TGFBR3: variants seen among roughly 807,000 people sequenced by gnomAD.
TGFBR3 encodes transforming growth factor beta receptor 3.
Under a neutral mutation model 87.9 loss-of-function variants are expected in TGFBR3, and 46 were observed. The observed-to-expected ratio is 0.52, with a 90% CI of 0.41 to 0.67. The LOEUF (loss-of-function observed/expected upper bound fraction) is 0.67. Among genes scored for constraint, TGFBR3 ranks in the 30% least tolerant of loss-of-function variants. The pLI is 0.00. For missense variants in TGFBR3, 866 were observed against 1,041.9 expected (o/e 0.83, Z 2.32); for synonymous variants, 381 against 391.6 (o/e 0.97, Z 0.32).
Position 91,716,595 on chromosome 1 carries a change from G to A in TGFBR3, c.1680C>T (p.Ser560=), listed in dbSNP as rs758389011. The change falls in exon 11 of 17, where the codon TCC becomes TCT. Residue 560 remains serine (S), a synonymous_variant. Transcript: ENST00000212355. The stretch of plus-strand genomic sequence containing the variant: ...CCACGATTTCAGGTCGGGTGAACAG[G>A]GAAGCATCTCCTTCATCCATATCTC... The part of the protein sequence containing the change: ...FPGDMDEGDA[S]LFTRPEIVVF... The A allele has an allele frequency of 1.2e-6, 2 of 1,614,082 alleles. No homozygotes were observed. Among genetic ancestry groups the A allele is most frequent in the South Asian group, 2.2e-5 (2 of 91,078 alleles).
chr1:91,796,194 G>A (rs1026075817), intron 3 of TGFBR3, among the ~76,000 whole-genome samples: 3 of 152,166 alleles, frequency 2.0e-5, no homozygotes, highest in Non-Finnish European at 4.4e-5. Context: ...AATACTCTGT[G>A]TTATCTTGTT....
At chr1:91,901,170 C>T (rs1025636239) in intron 1 of TGFBR3, among the ~76,000 whole-genome samples, 3 of 152,180 alleles carry the variant, frequency 2.0e-5, no homozygotes, top group Admixed American at 6.5e-5. Flanking sequence ...TTGTTATTTT[C>T]TGTGGGTTTT....
At chr1:91,870,959 C>T (rs932810701) in intron 1 of TGFBR3, among the ~76,000 whole-genome samples, 1 of 151,914 alleles carries the variant, frequency 6.6e-6, no homozygotes, top group African/African-American at 2.4e-5. Flanking sequence ...TCACTTGAGC[C>T]CAGAAGTTCA....
intron 4 of TGFBR3, among the ~76,000 whole-genome samples, chr1:91,748,972 T>G (rs1384189310): frequency 6.6e-6 from 1 of 152,056 alleles, no homozygotes; most frequent in Non-Finnish European, 1.5e-5. Flanking sequence ...TAGAAGTGCT[T>G]GTTAAACATA....
intron 8 of TGFBR3, among the ~76,000 whole-genome samples, chr1:91,721,249 C>G (rs1236663831): frequency 6.6e-6 from 1 of 152,178 alleles, no homozygotes; most frequent in Non-Finnish European, 1.5e-5. Context: ...AAAACCTTCA[C>G]AACAACCCTG....
chr1:91,725,885 A>T (rs1314834730), intron 7 of TGFBR3, among the ~76,000 whole-genome samples: 1 of 152,218 alleles, frequency 6.6e-6, no homozygotes. Context: ...CTAAATAGTA[A>T]TTTAAACTTT....
chr1:91,751,434 GCACTGAGCA>G (rs1673537958), intron 4 of TGFBR3, among the ~76,000 whole-genome samples: 1 of 152,138 alleles, frequency 6.6e-6, no homozygotes, highest in East Asian at 1.9e-4. Context: ...TCCTAGTGCT[GCACTGAGCA>G]CACATCTGGG....
chr1:91,680,722 A>G lies in TGFBR3; in HGVS notation c.*3017T>C, dbSNP rs113820201. 354 of 454,014 alleles carry G rather than the reference A, an allele frequency of 7.8e-4. No homozygotes were observed. The highest frequency in any genetic ancestry group is 1.4e-3 in the Non-Finnish European group (314 of 226,790). 28.1% of individuals were successfully genotyped at this position (454,014 alleles called of 1,614,324 possible). A position where few individuals can be genotyped will look rare whatever the true frequency, so the allele number is the denominator to read the frequency against. ...CTCTGTTAACACAACCAGCAGTACA[A>G]TCATCATTCAAACCATGAGGTAGTT... On this transcript the variant is annotated 3_prime_UTR_variant, in exon 17 of 17. Coordinates refer to ENST00000212355, the MANE Select transcript of TGFBR3 (RefSeq NM_003243.5).
chr1:91,755,456 G>A (rs908217140), intron 4 of TGFBR3, among the ~76,000 whole-genome samples: 10 of 152,132 alleles, frequency 6.6e-5, no homozygotes, highest in African/African-American at 1.9e-4. Flanking sequence ...GAAAAAAACC[G>A]TTTTCCCTAA....
In TGFBR3 at chr1:91,797,278, T is replaced by C. The variant is rs542898752; in HGVS notation, c.246+9A>G. 2 of 1,613,854 alleles carry C rather than the reference T, an allele frequency of 1.2e-6. No homozygotes were observed. The highest frequency in any genetic ancestry group is 1.1e-5 in the South Asian group (1 of 91,024). On this transcript the variant is annotated intron_variant, in intron 3 of 16. Transcript: ENST00000212355. Reference sequence around the variant, plus strand: ...TGGCAGTGGGCTGAGAGCTGACACCTGCACCTACCTCTCTCTGTAGCTGGC... The same window carrying C: ...TGGCAGTGGGCTGAGAGCTGACACCCGCACCTACCTCTCTCTGTAGCTGGC...
intron 7 of TGFBR3, among the ~76,000 whole-genome samples, chr1:91,725,891 A>T (rs939940266): frequency 3.9e-5 from 6 of 152,206 alleles, no homozygotes; most frequent in African/African-American, 1.4e-4. Flanking sequence ...AGTAATTTAA[A>T]CTTTTGTGGG....
At chr1:91,780,279 G>A (rs1040665077) in intron 3 of TGFBR3, among the ~76,000 whole-genome samples, 1 of 152,166 alleles carries the variant, frequency 6.6e-6, no homozygotes, top group Non-Finnish European at 1.5e-5. Flanking sequence ...TGGATAAACA[G>A]TGAGCAAAGC....
intron 2 of TGFBR3, among the ~76,000 whole-genome samples, chr1:91,858,259 A>G (rs1678034560): frequency 6.6e-6 from 1 of 152,162 alleles, no homozygotes; most frequent in Non-Finnish European, 1.5e-5. Flanking sequence ...GAATGCCCAA[A>G]AAACCATTTT....
At chr1:91,703,245 A>G (rs1671683649) in intron 14 of TGFBR3, among the ~76,000 whole-genome samples, 1 of 152,212 alleles carries the variant, frequency 6.6e-6, no homozygotes, top group East Asian at 1.9e-4. Context: ...TTTATTCTGG[A>G]AAGATCAAAT....
intron 2 of TGFBR3, among the ~76,000 whole-genome samples, chr1:91,805,852 T>A (rs1266378876): frequency 3.3e-5 from 5 of 152,194 alleles, no homozygotes; most frequent in Non-Finnish European, 7.3e-5. Context: ...CTGGAGCTCA[T>A]GAGAGGCTAA....
intron 14 of TGFBR3, among the ~76,000 whole-genome samples, chr1:91,701,930 T>C (rs1671632935): frequency 6.6e-6 from 1 of 152,206 alleles, no homozygotes; most frequent in African/African-American, 2.4e-5. Context: ...ATGATATTCA[T>C]TGCAATTACT....
chr1:91,777,728 G>A (rs990025573), intron 3 of TGFBR3, among the ~76,000 whole-genome samples: 5 of 152,108 alleles, frequency 3.3e-5, no homozygotes, highest in African/African-American at 7.2e-5. Context: ...TATTTAGGGC[G>A]ATGAGATGTT....
At chr1:91,683,987 G>C in intron 16 of TGFBR3, 130 bp from the exon 17 acceptor site, 1 of 781,512 alleles carries the variant, frequency 1.3e-6, no homozygotes. Flanking sequence ...GAAGCAACTA[G>C]ACTAGGTCCT....
chr1:91,695,880 A>G (rs985336221), intron 15 of TGFBR3, 101 bp from the exon 16 acceptor site: 16 of 992,636 alleles, frequency 1.6e-5, no homozygotes, highest in Admixed American at 1.1e-4. Flanking sequence ...AAGGTTGAGC[A>G]CTAATAAAAT....
Sources: allele counts gnomAD v4.1 joint callset (sites outside exome capture counted in the v4.1 genomes callset), GRCh38; gene constraint gnomAD v4.1.1; transcripts MANE v1.5; gene names NCBI Gene and HGNC (gene_info 2026-07-23, HGNC 2026-07-21).